The following MCOLN2 variants were observed in gnomAD, a reference collection of about 807,000 sequenced individuals.
MCOLN2 encodes mucolipin TRP cation channel 2.
In MCOLN2, 57 loss-of-function variants were observed where a neutral mutation model predicts 67.5. That is an observed-to-expected ratio of 0.84 (90% confidence interval 0.68 to 1.05). MCOLN2 has a LOEUF of 1.05. Among genes scored for constraint, MCOLN2 ranks in the 50% least tolerant of loss-of-function variants. The pLI is 0.00. For synonymous variants in MCOLN2, 246 were observed against 233.3 expected, an observed-to-expected ratio of 1.05 and a Z score of -0.50; for missense variants, 620 against 678.8, an observed-to-expected ratio of 0.91 and a Z score of 0.96.
At chr1:84,941,349 T>C (rs189758956) in intron 7 of MCOLN2, among the ~76,000 whole-genome samples, 5 of 152,026 alleles carry the variant, frequency 3.3e-5, no homozygotes, top group African/African-American at 1.2e-4. Flanking sequence ...ACAAAAAAAT[T>C]AGCCAGGTGT....
chr1:84,974,221 A>G (rs1314851952), intron 1 of MCOLN2, among the ~76,000 whole-genome samples: 1 of 152,110 alleles, frequency 6.6e-6, no homozygotes, highest in African/African-American at 2.4e-5. Flanking sequence ...TTTAGGCCAC[A>G]AGGACTGCAA....
At chr1:84,981,530 T>C (rs1650255377) in intron 1 of MCOLN2, among the ~76,000 whole-genome samples, 1 of 152,224 alleles carries the variant, frequency 6.6e-6, no homozygotes, top group South Asian at 2.1e-4. Flanking sequence ...GCGATCATTA[T>C]GTTAAGTAAA....
chr1:84,937,149 T>C (rs1647474366), intron 11 of MCOLN2, among the ~76,000 whole-genome samples: 1 of 152,242 alleles, frequency 6.6e-6, no homozygotes. Context: ...ATCAAATGTA[T>C]CATTTTATAA....
intron 1 of MCOLN2, among the ~76,000 whole-genome samples, chr1:84,988,575 A>C (rs961505552): frequency 6.6e-6 from 1 of 152,096 alleles, no homozygotes; most frequent in Non-Finnish European, 1.5e-5. Flanking sequence ...TTTTCCTTCA[A>C]AACCACAAGG....
intron 1 of MCOLN2, among the ~76,000 whole-genome samples, chr1:84,988,135 A>C (rs1347048688): frequency 6.6e-6 from 1 of 152,182 alleles, no homozygotes; most frequent in African/African-American, 2.4e-5. Context: ...CCTTAGTGCA[A>C]TCAGTGGCCC....
At chr1:84,971,499 TACAC>T (rs71097870) in intron 1 of MCOLN2, among the ~76,000 whole-genome samples, 28,523 of 131,924 alleles carry the variant, frequency 0.22, 2,625 homozygotes, top group South Asian at 0.26. Flanking sequence ...TAAACAGACA[TACAC>T]ACACACACAC....
At chr1:84,946,310 T>A (rs1648104485) in intron 7 of MCOLN2, among the ~76,000 whole-genome samples, 1 of 152,218 alleles carries the variant, frequency 6.6e-6, no homozygotes, top group African/African-American at 2.4e-5. Flanking sequence ...ATCACAGATT[T>A]TATAAGCACG....
At chr1:84,951,004 C>T (rs943987230) in intron 6 of MCOLN2, among the ~76,000 whole-genome samples, 2 of 152,204 alleles carry the variant, frequency 1.3e-5, no homozygotes, top group African/African-American at 4.8e-5. Context: ...TCAATGACCT[C>T]ATCCTTGCAG....
chr1:84,973,991 G>A (rs867272669), intron 1 of MCOLN2, among the ~76,000 whole-genome samples: 27 of 152,328 alleles, frequency 1.8e-4, no homozygotes, highest in Middle Eastern at 3.4e-3. Context: ...TGCTGTGGGA[G>A]GGAGAGCACA....
chr1:84,970,486 A>C (rs1649618465), intron 1 of MCOLN2, among the ~76,000 whole-genome samples: 1 of 151,038 alleles, frequency 6.6e-6, no homozygotes, highest in African/African-American at 2.4e-5. Context: ...CCTGGACAAC[A>C]CGGTGAAACC....
rs148483117 is a variant in MCOLN2 at position 84,940,973 on chromosome 1, T to C, written c.866A>G (p.Tyr289Cys). The C allele has an allele frequency of 6.2e-7, 1 of 1,612,186 alleles. No individual in the cohort carries two copies. Among genetic ancestry groups the C allele is most frequent in the South Asian group, 1.1e-5 (1 of 90,796 alleles). ...IFGSTQKNAQ[Y>C]VLVFDAFVIV... is the part of the protein sequence containing the mutation. The stretch of plus-strand genomic sequence containing the variant: ...GACAAATGCATCAAACACCAGGACA[T>C]ACTGAGCATTTTTCTGAGCTGAGGA... The change falls in exon 8 of 14, where the codon TAT (tyrosine) becomes TGT (cysteine). Residue 289 changes from tyrosine (Y) to cysteine (C), a missense_variant. Tyr to Cys is a radical substitution (Grantham distance 194, BLOSUM62 -2). Coordinates refer to ENST00000370608, the MANE Select transcript of MCOLN2 (RefSeq NM_153259.4).
At chr1:84,976,060 A>G (rs1394708635) in intron 1 of MCOLN2, among the ~76,000 whole-genome samples, 1 of 152,164 alleles carries the variant, frequency 6.6e-6, no homozygotes, top group Non-Finnish European at 1.5e-5. Context: ...AAAATGGCAA[A>G]TTTAAGAGTA....
chr1:84,939,013 A>G (rs1423523104), intron 9 of MCOLN2, among the ~76,000 whole-genome samples: 1 of 152,060 alleles, frequency 6.6e-6, no homozygotes, highest in East Asian at 1.9e-4. Context: ...GATGGGAGAG[A>G]ATTAGGCATG....
intron 9 of MCOLN2, among the ~76,000 whole-genome samples, chr1:84,939,351 C>T (rs1233174904): frequency 6.6e-6 from 1 of 152,116 alleles, no homozygotes; most frequent in Non-Finnish European, 1.5e-5. Context: ...TATTCTGGAG[C>T]TGTTGCCAAG....
At position 84,926,403 on chromosome 1, in the gene MCOLN2, C is replaced by T. The variant is rs373002515; in HGVS notation, c.*282G>A. On this transcript the variant is annotated 3_prime_UTR_variant, in exon 14 of 14. Transcript: ENST00000370608. ...ACTCTGAAATGATCTTTTTCCATTC[C>T]GAGATCATGTCATAAATTAACAGAC... The T allele has an allele frequency of 5.2e-4, 159 of 303,626 alleles. 1 individual carries two copies. The highest frequency in any genetic ancestry group is 3.6e-4 in the East Asian group (7 of 19,198). The allele number at this position is 303,626 out of a possible 1,614,324, so 18.8% of individuals were successfully genotyped here. A position where few individuals can be genotyped will look rare whatever the true frequency, so the allele number is the denominator to read the frequency against.
At chr1:84,975,449 G>A (rs533382943) in intron 1 of MCOLN2, among the ~76,000 whole-genome samples, 1 of 152,320 alleles carries the variant, frequency 6.6e-6, no homozygotes, top group East Asian at 1.9e-4. Flanking sequence ...AACTCCATGA[G>A]TCTATAAGAA....
At chr1:84,981,338 G>A (rs979983298) in intron 1 of MCOLN2, among the ~76,000 whole-genome samples, 3 of 152,086 alleles carry the variant, frequency 2.0e-5, no homozygotes, top group African/African-American at 4.8e-5. Flanking sequence ...CAGTAATATC[G>A]AAGAGATATC....
chr1:84,985,331 G>C (rs1277828662), intron 1 of MCOLN2, among the ~76,000 whole-genome samples: 1 of 152,138 alleles, frequency 6.6e-6, no homozygotes, highest in African/African-American at 2.4e-5. Flanking sequence ...AACCTCTTCT[G>C]TCAGTTTCCA....
chr1:84,958,182 C>T (rs760287239), intron 3 of MCOLN2, among the ~76,000 whole-genome samples: 3 of 152,158 alleles, frequency 2.0e-5, no homozygotes, highest in Non-Finnish European at 4.4e-5. Context: ...GCCTGGATTA[C>T]AGGCATGAGT....
Sources: allele counts gnomAD v4.1 joint callset (sites outside exome capture counted in the v4.1 genomes callset), GRCh38; gene constraint gnomAD v4.1.1; transcripts MANE v1.5; gene names NCBI Gene and HGNC (gene_info 2026-07-23, HGNC 2026-07-21).